GRM8: variants seen among roughly 807,000 people sequenced by gnomAD.
GRM8 encodes glutamate metabotropic receptor 8, also known as metabotropic glutamate receptor 8.
In GRM8, 47 loss-of-function variants were observed where a neutral mutation model predicts 87.2. The observed-to-expected ratio is 0.54, with a 90% confidence interval of 0.43 to 0.69. GRM8 has a LOEUF of 0.69. GRM8 is among the 30% of genes least tolerant of loss of function. GRM8 has a pLI of 0.00. For missense variants in GRM8, 1,019 were observed against 1,139.2 expected (o/e 0.89, Z 1.52); for synonymous variants, 396 against 404.5 (o/e 0.98, Z 0.25).
intron 8 of GRM8, among the ~76,000 whole-genome samples, chr7:126,577,307 A>G (rs1471200461): frequency 6.6e-6 from 1 of 152,172 alleles, no homozygotes; most frequent in Non-Finnish European, 1.5e-5. Context: ...GCAGTTACCT[A>G]AAGGAACTTC....
At chr7:126,616,145 T>C (rs539911957) in intron 7 of GRM8, among the ~76,000 whole-genome samples, 3 of 152,260 alleles carry the variant, frequency 2.0e-5, no homozygotes, top group South Asian at 4.1e-4. Flanking sequence ...CCTCAGCAAA[T>C]GTAAAAGAAC....
intron 7 of GRM8, among the ~76,000 whole-genome samples, chr7:126,639,631 C>T (rs1347434942): frequency 6.6e-6 from 1 of 152,088 alleles, no homozygotes; most frequent in Non-Finnish European, 1.5e-5. Flanking sequence ...CCCTGCAAGC[C>T]TAGGAAGGGT....
At chr7:126,864,923 T>A (rs1056430627) in intron 6 of GRM8, among the ~76,000 whole-genome samples, 1 of 152,178 alleles carries the variant, frequency 6.6e-6, no homozygotes, top group African/African-American at 2.4e-5. Flanking sequence ...TCCTACACAC[T>A]ATTGTGAGCA....
At chr7:126,925,929 T>C (rs1447135905) in intron 3 of GRM8, among the ~76,000 whole-genome samples, 1 of 152,226 alleles carries the variant, frequency 6.6e-6, no homozygotes, top group African/African-American at 2.4e-5. Context: ...TTTCTTCTTA[T>C]ATTCTGTTTT....
At chr7:126,849,972 T>C (rs768590304) in intron 6 of GRM8, among the ~76,000 whole-genome samples, 20 of 152,212 alleles carry the variant, frequency 1.3e-4, no homozygotes, top group Admixed American at 7.2e-4. Flanking sequence ...CCCATCTTAA[T>C]GCAGCCCTCT....
At chr7:126,830,197 C>T (rs1269596929) in intron 6 of GRM8, among the ~76,000 whole-genome samples, 1 of 151,990 alleles carries the variant, frequency 6.6e-6, no homozygotes, top group Non-Finnish European at 1.5e-5. Flanking sequence ...TTGCTCTTCT[C>T]GAGGAGTATC....
At chr7:126,496,259 C>T (rs191180793) in intron 9 of GRM8, among the ~76,000 whole-genome samples, 4 of 150,380 alleles carry the variant, frequency 2.7e-5, no homozygotes, top group East Asian at 2.0e-4. Context: ...GATGGATATA[C>T]GGAAGAAAGG....
At chr7:126,714,407 A>T (rs558973845) in intron 7 of GRM8, among the ~76,000 whole-genome samples, 193 of 151,964 alleles carry the variant, frequency 1.3e-3, no homozygotes, top group Non-Finnish European at 2.4e-3. Context: ...TAATTTCCAC[A>T]ATAGTCCTAT....
chr7:126,977,008 C>A (rs1476253521), intron 3 of GRM8, among the ~76,000 whole-genome samples: 1 of 151,798 alleles, frequency 6.6e-6, no homozygotes, highest in Non-Finnish European at 1.5e-5. Flanking sequence ...CAATTCTGTC[C>A]ATCACTGTTG....
intron 2 of GRM8, 90 bp downstream of exon 2, chr7:127,242,605 C>A: frequency 7.8e-7 from 1 of 1,277,702 alleles, no homozygotes; most frequent in Non-Finnish European, 1.1e-6. Flanking sequence ...AGCACCTTCA[C>A]CATCTTCACT....
chr7:126,455,919 T>C (rs1472796132), intron 9 of GRM8, among the ~76,000 whole-genome samples: 1 of 150,744 alleles, frequency 6.6e-6, no homozygotes, highest in Non-Finnish European at 1.5e-5. Flanking sequence ...AATATAAACA[T>C]ACAAAAATAG....
At chr7:126,743,550 T>C (rs998827176) in intron 7 of GRM8, among the ~76,000 whole-genome samples, 2 of 152,146 alleles carry the variant, frequency 1.3e-5, no homozygotes, top group Non-Finnish European at 2.9e-5. Context: ...ACATAGCCAT[T>C]GCTAAACATA....
chr7:126,520,900 TAACAA>T (rs1433191418), intron 9 of GRM8, among the ~76,000 whole-genome samples: 1 of 152,130 alleles, frequency 6.6e-6, no homozygotes, highest in African/African-American at 2.4e-5. Context: ...TGTCAGTTCT[TAACAA>T]TAAATAGGCA....
chr7:127,205,571 C>T (rs1795861643), intron 2 of GRM8, among the ~76,000 whole-genome samples: 1 of 152,144 alleles, frequency 6.6e-6, no homozygotes, highest in Admixed American at 6.5e-5. Context: ...AGGTCACTGA[C>T]ATAAGAGTCA....
intron 3 of GRM8, among the ~76,000 whole-genome samples, chr7:126,931,096 C>T (rs80069018): frequency 0.014 from 2,103 of 152,070 alleles, 45 homozygotes; most frequent in African/African-American, 0.048. Flanking sequence ...TTTAGAATAT[C>T]CAAGGGAAAA....
chr7:126,468,798 C>A (rs1473501991), intron 9 of GRM8, among the ~76,000 whole-genome samples: 1 of 152,060 alleles, frequency 6.6e-6, no homozygotes, highest in African/African-American at 2.4e-5. Context: ...AAATGGTTAA[C>A]GATAAGCCTC....
At chr7:126,927,063 A>G (rs1268575602) in intron 3 of GRM8, among the ~76,000 whole-genome samples, 1 of 152,246 alleles carries the variant, frequency 6.6e-6, no homozygotes, top group Non-Finnish European at 1.5e-5. Flanking sequence ...TGAATGCTCC[A>G]GTCTCTGTTC....
chr7:126,479,752 ACAGACAG>A (rs1806440017), intron 9 of GRM8, among the ~76,000 whole-genome samples: 1 of 149,050 alleles, frequency 6.7e-6, no homozygotes, highest in Admixed American at 6.6e-5. Context: ...AGACAGACAG[ACAGACAG>A]ACAGACAGAC....
At chr7:127,204,926 T>C (rs948889624) in intron 2 of GRM8, among the ~76,000 whole-genome samples, 2 of 152,204 alleles carry the variant, frequency 1.3e-5, no homozygotes, top group Non-Finnish European at 2.9e-5. Flanking sequence ...ATGGCTTCAT[T>C]TCCATTCCCC....
Sources: gnomAD v4.1 joint callset for allele counts (sites outside exome capture counted in the v4.1 genomes callset) on GRCh38, gnomAD v4.1.1 for gene constraint, MANE v1.5 for transcripts, NCBI Gene and HGNC (gene_info 2026-07-23, HGNC 2026-07-21) for gene names.